The following ZNF605 variants were observed in gnomAD, a reference collection of about 807,000 sequenced individuals.
The protein encoded by ZNF605 is zinc finger protein 605.
Under a neutral mutation model 7.9 loss-of-function variants are expected in ZNF605, and 9 were observed. The ratio of observed to expected loss-of-function variants is 1.14; its 90% CI spans 0.68 to 1.98. The LOEUF (loss-of-function observed/expected upper bound fraction) is 1.98. ZNF605 is among the 30% of genes most tolerant of loss of function. ZNF605 has a pLI of 0.00. For missense variants in ZNF605, 673 were observed against 762.4 expected (o/e 0.88, Z 1.38); for synonymous variants, 255 against 260.1 (o/e 0.98, Z 0.19).
chr12:132,928,228 A>G (rs1952268296), intron 4 of ZNF605, among the ~76,000 whole-genome samples: 1 of 152,226 alleles, frequency 6.6e-6, no homozygotes, highest in African/African-American at 2.4e-5. Flanking sequence ...AGTAAGGGAT[A>G]TAATGCAGAA....
At chr12:132,937,755 C>G (rs1005301916) in intron 3 of ZNF605, among the ~76,000 whole-genome samples, 5 of 152,070 alleles carry the variant, frequency 3.3e-5, no homozygotes, top group African/African-American at 1.2e-4. Flanking sequence ...AACCTATATG[C>G]AGATGAATGC....
In ZNF605 at chr12:132,933,537, G is replaced by A. The variant is rs928493435; in HGVS notation, c.16-382C>T. ...GCCTGGAGGAGCCAGCTCCTTCCTC[G>A]CTGCAGCCCTTCTCAACACCTTCAT... On this transcript the variant is annotated intron_variant, in intron 3 of 4. Coordinates refer to ENST00000360187, the MANE Select transcript of ZNF605 (RefSeq NM_183238.4). The surrounding 1 kb of genome is among the most constrained non-coding windows in gnomAD (Gnocchi z 4.4). 2.3e-4 allele frequency among the ~76,000 whole-genome samples: 35 copies of A among 152,238 alleles called. No individual in the cohort carries two copies. Among genetic ancestry groups the A allele is most frequent in the East Asian group, 5.8e-4 (3 of 5,180 alleles).
In ZNF605 at chr12:132,924,940, T is replaced by C. The variant is rs1393206763; in HGVS notation, c.*433A>G. 6.4e-6 allele frequency: 1 copy of C among 156,122 alleles called. No homozygotes were observed. The highest frequency in any genetic ancestry group is 1.4e-5 in the Non-Finnish European group (1 of 70,936). 9.7% of individuals were successfully genotyped at this position (156,122 alleles called of 1,614,324 possible). ...ATCATGCTTGTCAAATTCTTTACAT[T>C]ATTGAGACTACTCTTCAGTATGAAC... On this transcript the variant is annotated 3_prime_UTR_variant, in exon 5 of 5. Coordinates refer to ENST00000360187, the MANE Select transcript of ZNF605 (RefSeq NM_183238.4).
chr12:132,938,801 G>A (rs1452175736), intron 3 of ZNF605, among the ~76,000 whole-genome samples: 12 of 152,236 alleles, frequency 7.9e-5, no homozygotes, highest in Admixed American at 4.6e-4. Context: ...TTGCGGGCCA[G>A]CTGGAGTTCC....
intron 1 of ZNF605, among the ~76,000 whole-genome samples, chr12:132,949,252 G>C (rs980749832): frequency 9.9e-5 from 15 of 152,188 alleles, no homozygotes; most frequent in Non-Finnish European, 1.9e-4. Flanking sequence ...ACTCCCACTA[G>C]CTACTCTCCG....
Position 132,921,172 on chromosome 12 carries a change from A to G in ZNF605, c.*4201T>C, listed in dbSNP as rs915485843. ...TTTTTTTGTAGAGATGAGTCTTGCT[A>G]TGTTGTCCAGCTGGTCTCAAACGCC... On this transcript the variant is annotated 3_prime_UTR_variant, in exon 5 of 5. Coordinates refer to ENST00000360187, the MANE Select transcript of ZNF605 (RefSeq NM_183238.4). The G allele has an allele frequency of 2.6e-5, 4 of 151,846 alleles. No homozygotes were observed. Among genetic ancestry groups the G allele is most frequent in the Non-Finnish European group, 5.9e-5 (4 of 68,014 alleles). The allele number at this position is 151,846 out of a possible 1,614,324, so 9.4% of individuals were successfully genotyped here. A position where few individuals can be genotyped will look rare whatever the true frequency, so the allele number is the denominator to read the frequency against.
At chr12:132,946,881 G>C (rs991013447) in intron 2 of ZNF605, among the ~76,000 whole-genome samples, 3 of 152,106 alleles carry the variant, frequency 2.0e-5, no homozygotes, top group Non-Finnish European at 2.9e-5. Flanking sequence ...CAGACCACGT[G>C]GGGGAGCAGC....
chr12:132,933,441 C>T lies in ZNF605; in HGVS notation c.16-286G>A, dbSNP rs900239292. ...CTCTCTCTCTGGAGGAGTCTGGCTG[C>T]TGTGTTGTAAGGCCGCCATGTGGAA... On this transcript the variant is annotated intron_variant, in intron 3 of 4. Coordinates refer to ENST00000360187, the MANE Select transcript of ZNF605 (RefSeq NM_183238.4). This position sits in a 1 kb window ranked among gnomAD's most constrained non-coding sequence, Gnocchi z 4.4. 2.6e-5 allele frequency among the ~76,000 whole-genome samples: 4 copies of T among 152,338 alleles called. No individual in the cohort carries two copies. The highest frequency in any genetic ancestry group is 9.6e-5 in the African/African-American group (4 of 41,578).
chr12:132,925,757 A>T lies in ZNF605; in HGVS notation c.1542T>A (p.Phe514Leu). The T allele has an allele frequency of 6.2e-7, 1 of 1,613,850 alleles. No homozygotes were observed. The highest frequency in any genetic ancestry group is 8.5e-7 in the Non-Finnish European group (1 of 1,179,832). ...GCCTAAGAAGCTGTGGCTTCCAGGC[A>T]AAAGCTTTCCTACATTCACTACATT... ...PFECSECRKA[F>L]AWKPQLLRHQ... Residue 514 changes from phenylalanine (F) to leucine (L), a missense_variant, in exon 5 of 5, where the codon TTT becomes TTA. Coordinates refer to ENST00000360187, the MANE Select transcript of ZNF605 (RefSeq NM_183238.4).
intron 4 of ZNF605, among the ~76,000 whole-genome samples, chr12:132,931,935 T>C (rs1293312916): frequency 1.3e-5 from 2 of 152,120 alleles, no homozygotes; most frequent in Admixed American, 6.6e-5. Flanking sequence ...TAGGGTTTTG[T>C]GTGTGTGTGT....
chr12:132,927,260 A>T, intron 4 of ZNF605, 98 bp from the exon 5 acceptor site: 1 of 816,932 alleles, frequency 1.2e-6, no homozygotes, highest in Non-Finnish European at 1.8e-6. Context: ...CCAGTTTTTA[A>T]AATTCCCTCA....
chr12:132,938,012 G>A (rs574767899), intron 3 of ZNF605, among the ~76,000 whole-genome samples: 4,377 of 152,198 alleles, frequency 0.029, 92 homozygotes, highest in Non-Finnish European at 0.046. Flanking sequence ...AGGGAGTCTC[G>A]CTCTGTCGCC....
chr12:132,927,245 T>G, intron 4 of ZNF605, 83 bp from the exon 5 acceptor site: 53 of 958,862 alleles, frequency 5.5e-5, no homozygotes, highest in Non-Finnish European at 7.4e-5. Context: ...AATGGCGCCA[T>G]AATCCCAGTT....
intron 3 of ZNF605, among the ~76,000 whole-genome samples, chr12:132,938,614 T>C (rs1275088727): frequency 5.9e-5 from 9 of 152,188 alleles, no homozygotes; most frequent in South Asian, 2.1e-4. Context: ...CCCTCGCTTG[T>C]TCTCGGCACC....
At chr12:132,944,593 T>A (rs968417216) in intron 3 of ZNF605, among the ~76,000 whole-genome samples, 2 of 152,326 alleles carry the variant, frequency 1.3e-5, no homozygotes, top group South Asian at 4.1e-4. Context: ...TAAGTTTCTT[T>A]CCTAAAACTG....
intron 1 of ZNF605, among the ~76,000 whole-genome samples, chr12:132,949,744 G>C (rs1952537449): frequency 6.6e-6 from 1 of 152,190 alleles, no homozygotes; most frequent in Admixed American, 6.5e-5. Context: ...CTCTCTGGAA[G>C]CATTGGCTGA....
At chr12:132,930,515 G>A (rs1279335982) in intron 4 of ZNF605, among the ~76,000 whole-genome samples, 1 of 151,848 alleles carries the variant, frequency 6.6e-6, no homozygotes, top group Non-Finnish European at 1.5e-5. Context: ...CACATAACAA[G>A]CCCTCAATAT....
rs937645009 is a variant in ZNF605 at position 132,941,394 on chromosome 12, G to A, written c.15+4227C>T. Among the ~76,000 whole-genome samples the A allele has an allele frequency of 9.9e-5, 15 of 152,224 alleles. No individual in the cohort carries two copies. Among genetic ancestry groups the A allele is most frequent in the Non-Finnish European group, 2.2e-4 (15 of 68,018 alleles). ...TTCTCGGCAGGTAGATCAATGTTTCGCTGTTTCCTTGTGGTTTGGCCCAGC... is the reference window on the plus strand; with the variant it reads ...TTCTCGGCAGGTAGATCAATGTTTCACTGTTTCCTTGTGGTTTGGCCCAGC... On this transcript the variant is annotated intron_variant, in intron 3 of 4. Coordinates refer to ENST00000360187, the MANE Select transcript of ZNF605 (RefSeq NM_183238.4). The surrounding 1 kb of genome is among the most constrained non-coding windows in gnomAD (Gnocchi z 5.1).
At position 132,926,839 on chromosome 12, in the gene ZNF605, C is replaced by T. The variant is rs796676113; in HGVS notation, c.460G>A (p.Glu154Lys). ...DCSTCRKSSN[E>K]EPWLTANHIT... ...TGATTAGCAGTGAGCCATGGCTCTT[C>T]GTTGCTGGATTTTCTACATGTACTG... The change falls in exon 5 of 5, where the codon GAA becomes AAA. Residue 154 changes from glutamate (E) to lysine (K), a missense_variant. Physicochemically the swap from Glu to Lys is moderately conservative, Grantham distance 56 (BLOSUM62 1). Coordinates refer to ENST00000360187, the MANE Select transcript of ZNF605 (RefSeq NM_183238.4). 164 of 1,614,152 alleles carry T rather than the reference C, an allele frequency of 1.0e-4. No individual in the cohort carries two copies. Among genetic ancestry groups the T allele is most frequent in the African/African-American group, 8.4e-4 (63 of 75,034 alleles).
Sources: gnomAD v4.1 joint callset for allele counts (sites outside exome capture counted in the v4.1 genomes callset) on GRCh38, gnomAD v4.1.1 for gene constraint, Gnocchi (gnomAD v3.1) non-coding constraint, MANE v1.5 for transcripts, NCBI Gene and HGNC (gene_info 2026-07-23, HGNC 2026-07-21) for gene names.